Variants in NEMP1 observed in about 807,000 individuals in gnomAD.
The protein encoded by NEMP1 is transmembrane protein 194.
In NEMP1, 29 loss-of-function variants were observed where a neutral mutation model predicts 53.7. That is an observed-to-expected ratio of 0.54 (90% CI 0.40 to 0.74). The LOEUF (loss-of-function observed/expected upper bound fraction) is 0.74, where lower values mean the gene tolerates loss of function less well. Among genes scored for constraint, NEMP1 ranks in the 30% least tolerant of loss-of-function variants. NEMP1 has a pLI of 0.00. For synonymous variants in NEMP1, 193 were observed against 192.9 expected, an observed-to-expected ratio of 1.00 and a Z score of 0.00; for missense variants, 477 against 528.6, an observed-to-expected ratio of 0.90 and a Z score of 0.96.
Position 57,060,096 on chromosome 12 carries a change from T to C in NEMP1, c.1155-37A>G, listed in dbSNP as rs140718365. ...AAGATAATACTCGTTAGAAATATCC[T>C]TCTGTCCTTTCTGGTCTTCTTTCAA... On this transcript the variant is annotated intron_variant, in intron 8 of 8. Coordinates refer to ENST00000300128, the MANE Select transcript of NEMP1 (RefSeq NM_001130963.2). 1,331 of 1,579,056 alleles carry C rather than the reference T, an allele frequency of 8.4e-4. 6 individuals are homozygous for C. In the African/African-American group the frequency reaches 0.015, roughly 18 times the overall value.
At chr12:57,062,951 AG>A (rs1249950426) in intron 7 of NEMP1, among the ~76,000 whole-genome samples, 167 bp downstream of exon 7, 10 of 152,194 alleles carry the variant, frequency 6.6e-5, no homozygotes, top group African/African-American at 2.4e-4. Context: ...AAATTCCTAT[AG>A]AAAGTAAAAA....
intron 7 of NEMP1, among the ~76,000 whole-genome samples, chr12:57,061,885 G>A (rs548322749): frequency 2.4e-4 from 36 of 151,948 alleles, no homozygotes; most frequent in African/African-American, 8.7e-4. Context: ...TGTAACCCCA[G>A]CTACTCAGGA....
intron 1 of NEMP1, among the ~76,000 whole-genome samples, chr12:57,076,804 C>CAA (rs745386326): frequency 7.4e-6 from 1 of 134,330 alleles, no homozygotes; most frequent in African/African-American, 2.8e-5. Context: ...AACTCTGTCT[C>CAA]AAAAAAAAAA....
At chr12:57,070,571 C>G (rs1364273086) in intron 3 of NEMP1, 103 bp downstream of exon 3, 2 of 952,756 alleles carry the variant, frequency 2.1e-6, no homozygotes, top group Non-Finnish European at 3.1e-6. Flanking sequence ...CAGAACCCAA[C>G]TGGAGCTGTC....
At chr12:57,085,232 T>C (rs1478447684) in intron 1 of NEMP1, among the ~76,000 whole-genome samples, 1 of 152,208 alleles carries the variant, frequency 6.6e-6, no homozygotes, top group Non-Finnish European at 1.5e-5. Flanking sequence ...GGTGCAGGGA[T>C]GCAGTGGCGC....
intron 4 of NEMP1, among the ~76,000 whole-genome samples, chr12:57,065,105 G>A (rs1483172752): frequency 6.6e-6 from 1 of 152,020 alleles, no homozygotes. Flanking sequence ...TTTTTTGCTG[G>A]TGGAGGGTCT....
upstream of NEMP1, among the ~76,000 whole-genome samples, chr12:57,083,748 T>C (rs1019654722): frequency 1.3e-5 from 2 of 152,226 alleles, no homozygotes; most frequent in African/African-American, 2.4e-5. Context: ...AGATTAGGTT[T>C]TATTGTCAAA....
Position 57,070,747 on chromosome 12 carries a change from T to G in NEMP1, c.399A>C (p.Leu133=). The G allele has an allele frequency of 6.3e-7, 1 of 1,590,950 alleles. No homozygotes were observed. The highest frequency in any genetic ancestry group is 8.6e-7 in the Non-Finnish European group (1 of 1,167,446). Residue 133 remains leucine (L), a synonymous_variant, in exon 3 of 9, where the codon CTA becomes CTC. Transcript: ENST00000300128. ...KLNDTYVNVG[L]YSTKTCLKVE... ...CTTTGAGGCAGGTTTTTGTGCTGTA[T>G]AGACCCACGTTAACATAGGTGTCAT...
intron 1 of NEMP1, among the ~76,000 whole-genome samples, chr12:57,086,314 G>A (rs535402339): frequency 4.8e-4 from 73 of 152,274 alleles, no homozygotes; most frequent in African/African-American, 1.7e-3. Flanking sequence ...TCACGGAGGA[G>A]ACCAGCACAG....
In NEMP1 at chr12:57,059,746, G is replaced by C; in HGVS notation, c.*133C>G. 2 of 771,208 alleles carry C rather than the reference G, an allele frequency of 2.6e-6. No individual in the cohort carries two copies. Among genetic ancestry groups the C allele is most frequent in the Non-Finnish European group, 2.0e-6 (1 of 499,502 alleles). 47.8% of individuals were successfully genotyped at this position (771,208 alleles called of 1,614,324 possible). ...CATTTCCAAAGGGAGGCCTTTTTAG[G>C]CCTCTTATTTCAGTAGGAGAATTTC... On this transcript the variant is annotated 3_prime_UTR_variant, in exon 9 of 9. Coordinates refer to ENST00000300128, the MANE Select transcript of NEMP1 (RefSeq NM_001130963.2).
intron 1 of NEMP1, among the ~76,000 whole-genome samples, chr12:57,077,232 T>A (rs2032671434): frequency 6.6e-6 from 1 of 150,376 alleles, no homozygotes; most frequent in African/African-American, 2.5e-5. Context: ...CTCGGGAGGC[T>A]GAGGCAGGAG....
chr12:57,065,303 C>A (rs930592484), intron 4 of NEMP1, among the ~76,000 whole-genome samples: 1 of 152,186 alleles, frequency 6.6e-6, no homozygotes, highest in Non-Finnish European at 1.5e-5. Context: ...TGGAGTCAAT[C>A]CTCCAACAGC....
intron 8 of NEMP1, 121 bp from the exon 9 acceptor site, chr12:57,060,180 C>A: frequency 2.2e-6 from 2 of 899,100 alleles, no homozygotes; most frequent in Non-Finnish European, 1.7e-6. Context: ...TAAGTCTAGC[C>A]AACATCCTTG....
At chr12:57,075,544 C>T (rs1488074890) in intron 1 of NEMP1, among the ~76,000 whole-genome samples, 1 of 143,438 alleles carries the variant, frequency 7.0e-6, no homozygotes, top group African/African-American at 2.6e-5. Context: ...ATAGTTGGGC[C>T]CAGGCGTGGT....
intron 1 of NEMP1, among the ~76,000 whole-genome samples, chr12:57,073,617 C>G (rs1383729392): frequency 2.6e-5 from 4 of 152,048 alleles, no homozygotes; most frequent in African/African-American, 9.7e-5. Flanking sequence ...GCACCCCAGC[C>G]TGGGCAAAAA....
upstream of NEMP1, among the ~76,000 whole-genome samples, chr12:57,079,257 G>T (rs1161497928): frequency 6.6e-6 from 1 of 152,166 alleles, no homozygotes; most frequent in Non-Finnish European, 1.5e-5. Flanking sequence ...CAAAAGTGTG[G>T]TTCTCCAAAG....
At chr12:57,078,528 A>T in intron 1 of NEMP1, 91 bp downstream of exon 1, 2 of 1,488,208 alleles carry the variant, frequency 1.3e-6, no homozygotes, top group Non-Finnish European at 1.8e-6. Context: ...GCCCTTCTGC[A>T]GAGTAACGGC....
At chr12:57,068,349 CTTGAT>C (rs1307871746) in intron 4 of NEMP1, among the ~76,000 whole-genome samples, 1 of 151,120 alleles carries the variant, frequency 6.6e-6, no homozygotes, top group African/African-American at 2.4e-5. Flanking sequence ...TGAATAAACA[CTTGAT>C]TTTTTTTTTT....
At chr12:57,077,007 T>C (rs900580619) in intron 1 of NEMP1, among the ~76,000 whole-genome samples, 2 of 151,526 alleles carry the variant, frequency 1.3e-5, no homozygotes, top group Admixed American at 6.6e-5. Flanking sequence ...TGCACATACA[T>C]TGGAATGTAA....
Sources: gnomAD v4.1 joint callset for allele counts (sites outside exome capture counted in the v4.1 genomes callset) on GRCh38, gnomAD v4.1.1 for gene constraint, MANE v1.5 for transcripts, NCBI Gene and HGNC (gene_info 2026-07-23, HGNC 2026-07-21) for gene names.